Variants in QTGAL observed in about 807,000 individuals in gnomAD.
QTGAL encodes queuosine-tRNA galactosyltransferase.
At chr17:83,000,126 C>A in the QTGAL span, among the ~76,000 whole-genome samples, 1 of 152,102 alleles carries the variant, frequency 6.6e-6, no homozygotes, top group Non-Finnish European at 1.5e-5. Flanking sequence ...CTGTGCCTGG[C>A]TAATTTTTGT....
chr17:83,048,926 A>T, the QTGAL span: 1 of 683,592 alleles, frequency 1.5e-6, no homozygotes, highest in South Asian at 1.8e-5. Flanking sequence ...GGCTCTTAAC[A>T]TGCTTGTAAG....
the QTGAL span, among the ~76,000 whole-genome samples, chr17:82,980,122 A>G: frequency 6.6e-6 from 1 of 152,270 alleles, no homozygotes; most frequent in Non-Finnish European, 1.5e-5. Flanking sequence ...AACTTTTAGA[A>G]GAAAATCCTT....
At chr17:82,970,610 ACC>A in the QTGAL span, among the ~76,000 whole-genome samples, 3 of 139,818 alleles carry the variant, frequency 2.1e-5, no homozygotes, top group East Asian at 2.0e-4. Context: ...CGTGGCCGCG[ACC>A]TCCCCACCCG....
the QTGAL span, among the ~76,000 whole-genome samples, chr17:83,015,027 C>T: frequency 1.3e-3 from 191 of 148,910 alleles, no homozygotes; most frequent in African/African-American, 4.6e-3. The surrounding 1 kb of genome is among the most constrained non-coding windows in gnomAD (Gnocchi z 4.4). Context: ...GAAGACCTGC[C>T]ACCACTGTTG....
chr17:82,966,044 G>T, the QTGAL span, among the ~76,000 whole-genome samples: 1 of 151,808 alleles, frequency 6.6e-6, no homozygotes, highest in African/African-American at 2.4e-5. Flanking sequence ...CAGGTAGCTG[G>T]GACCACAGGC....
At chr17:82,962,853 C>T in the QTGAL span, among the ~76,000 whole-genome samples, 4 of 152,064 alleles carry the variant, frequency 2.6e-5, no homozygotes, top group African/African-American at 7.2e-5. Flanking sequence ...CAGCCGCTCC[C>T]GGGTGGTGCC....
chr17:83,050,947 G>A, the QTGAL span, among the ~76,000 whole-genome samples: 1 of 151,984 alleles, frequency 6.6e-6, no homozygotes, highest in African/African-American at 2.4e-5. Context: ...GTGTGTGTGG[G>A]GCATGGGCAA....
chr17:83,005,141 G>A, the QTGAL span: 5 of 1,609,304 alleles, frequency 3.1e-6, no homozygotes, highest in Non-Finnish European at 4.3e-6. The surrounding 1 kb of genome is among the most constrained non-coding windows in gnomAD (Gnocchi z 5.6). Context: ...TCCGGCGTCA[G>A]CTGGTTGATC....
At chr17:82,991,805 A>G in the QTGAL span, among the ~76,000 whole-genome samples, 1 of 152,216 alleles carries the variant, frequency 6.6e-6, no homozygotes, top group African/African-American at 2.4e-5. Context: ...AAACTCAGAG[A>G]AATTCAAGAT....
At chr17:82,980,069 G>T in the QTGAL span, among the ~76,000 whole-genome samples, 20 of 152,120 alleles carry the variant, frequency 1.3e-4, no homozygotes, top group Non-Finnish European at 2.9e-5. Context: ...CACTAACTCA[G>T]CCTACAAGGA....
chr17:83,035,466 C>T, the QTGAL span, among the ~76,000 whole-genome samples: 9 of 152,196 alleles, frequency 5.9e-5, no homozygotes, highest in East Asian at 1.6e-3. Flanking sequence ...ACCGCACCCG[C>T]CCAATATACG....
the QTGAL span, among the ~76,000 whole-genome samples, chr17:82,994,739 T>C: frequency 6.6e-6 from 1 of 152,010 alleles, no homozygotes; most frequent in African/African-American, 2.4e-5. Flanking sequence ...CAAAGACACA[T>C]AAAAAAATTA....
At chr17:83,019,756 G>A in the QTGAL span, among the ~76,000 whole-genome samples, 33 of 151,276 alleles carry the variant, frequency 2.2e-4, 1 homozygote, top group Admixed American at 1.2e-3. Context: ...TTTTTGAGTT[G>A]GAGTTTTGCT....
At chr17:82,984,209 ATGAGGACGTGGG>A in the QTGAL span, among the ~76,000 whole-genome samples, 2 of 50,260 alleles carry the variant, frequency 4.0e-5, no homozygotes. Context: ...GAGAGGCCAC[ATGAGGACGTGGG>A]GGAGGGGAGA....
the QTGAL span, chr17:82,943,162 GAAATAAATACCATTCTT>G: frequency 6.6e-6 from 1 of 152,336 alleles, no homozygotes; most frequent in Non-Finnish European, 1.5e-5. Flanking sequence ...AGTAATGTCG[GAAATAAATACCATTCTT>G]GAAATAATTA....
chr17:83,041,525 C>A, the QTGAL span, among the ~76,000 whole-genome samples: 2 of 152,266 alleles, frequency 1.3e-5, no homozygotes, highest in Non-Finnish European at 2.9e-5. Context: ...TACAAGAGAC[C>A]CTCAGTAAGA....
At chr17:82,956,592 G>A in the QTGAL span, 1 of 1,289,574 alleles carries the variant, frequency 7.8e-7, no homozygotes, top group Non-Finnish European at 1.0e-6. The surrounding 1 kb of genome is among the most constrained non-coding windows in gnomAD (Gnocchi z 5.7). Context: ...ATCGGCTGGG[G>A]TCTCATCCCA....
At chr17:82,986,847 A>G in the QTGAL span, among the ~76,000 whole-genome samples, 1 of 152,126 alleles carries the variant, frequency 6.6e-6, no homozygotes, top group South Asian at 2.1e-4. Context: ...TACTCCCACA[A>G]CCTCGCTATT....
At chr17:82,983,850 T>G in the QTGAL span, among the ~76,000 whole-genome samples, 1 of 152,192 alleles carries the variant, frequency 6.6e-6, no homozygotes, top group African/African-American at 2.4e-5. Flanking sequence ...GGAGATGGGC[T>G]TTTAAGGAGG....
Sources: gnomAD v4.1 joint callset for allele counts (sites outside exome capture counted in the v4.1 genomes callset) on GRCh38, gnomAD v4.1.1 for gene constraint, Gnocchi (gnomAD v3.1) non-coding constraint, MANE v1.5 for transcripts, NCBI Gene and HGNC (gene_info 2026-07-23, HGNC 2026-07-21) for gene names.